POLDIP2: variants seen among roughly 807,000 people sequenced by gnomAD.
POLDIP2 encodes polymerase delta-interacting protein 2.
A neutral mutation model predicts 52.9 loss-of-function variants in POLDIP2; 32 were observed. That is an observed-to-expected ratio of 0.61 (90% CI 0.46 to 0.81). The LOEUF is 0.81. POLDIP2 is among the 40% of genes least tolerant of loss of function. The pLI, the probability that POLDIP2 is intolerant of heterozygous loss-of-function variation, is 0.00. For missense variants in POLDIP2, 371 were observed against 477.3 expected (o/e 0.78, Z 2.07); for synonymous variants, 183 against 183.0 (o/e 1.00, Z 0.00).
chr17:28,357,142 C>T, intron 1 of POLDIP2, 146 bp downstream of exon 1: 1 of 749,342 alleles, frequency 1.3e-6, no homozygotes, highest in Non-Finnish European at 2.0e-6. Flanking sequence ...CCAGACAGCG[C>T]AGGTCGGCTC....
chr17:28,350,037 G>A (rs1169693876), intron 9 of POLDIP2, among the ~76,000 whole-genome samples: 1 of 152,208 alleles, frequency 6.6e-6, no homozygotes, highest in Non-Finnish European at 1.5e-5. Flanking sequence ...AGCAGAGGAT[G>A]TAAACATGTA....
At chr17:28,350,896 C>T (rs1222029313) in intron 7 of POLDIP2, 104 bp from the exon 8 acceptor site, 2 of 954,966 alleles carry the variant, frequency 2.1e-6, no homozygotes, top group Non-Finnish European at 3.3e-6. Flanking sequence ...AGGTTGCAGA[C>T]AGACCAAGCT....
At position 28,352,929 on chromosome 17, in the gene POLDIP2, A is replaced by T; in HGVS notation, c.605T>A (p.Leu202Gln). ...IQHELFERFLLYDQTKAPPFV... is the reference protein window; with the variant it reads ...IQHELFERFLQYDQTKAPPFV... Reference sequence around the variant, plus strand: ...GAGATTACCTTTTGTCTGGTCATACAGAAGAAATCTTTCAAAGAGTTCATG... The same window carrying T: ...GAGATTACCTTTTGTCTGGTCATACTGAAGAAATCTTTCAAAGAGTTCATG... The change falls in exon 6 of 11, where the codon CTG (leucine) becomes CAG (glutamine). Residue 202 changes from leucine to glutamine, a missense_variant. Coordinates refer to ENST00000540200, the MANE Select transcript of POLDIP2 (RefSeq NM_015584.5). 1 of 1,590,462 alleles carries T rather than the reference A, an allele frequency of 6.3e-7. No individual in the cohort carries two copies. The highest frequency in any genetic ancestry group is 8.6e-7 in the Non-Finnish European group (1 of 1,158,406).
At chr17:28,352,835 G>A (rs782347195) in intron 6 of POLDIP2, 77 bp downstream of exon 6, 62 of 888,154 alleles carry the variant, frequency 7.0e-5, no homozygotes, top group South Asian at 9.5e-5. Context: ...CACCGTGCCC[G>A]GCCCTGGAAT....
intron 6 of POLDIP2, among the ~76,000 whole-genome samples, chr17:28,352,692 C>T (rs1449571458): frequency 1.3e-5 from 2 of 152,160 alleles, no homozygotes; most frequent in Non-Finnish European, 2.9e-5. Flanking sequence ...GCGCCCACCA[C>T]CACGCCCAGC....
chr17:28,350,750 A>G lies in POLDIP2; in HGVS notation c.786+16T>C, dbSNP rs782302270. On this transcript the variant is annotated intron_variant, in intron 8 of 10. Coordinates refer to ENST00000540200, the MANE Select transcript of POLDIP2 (RefSeq NM_015584.5). ...ACACCCCACAAGCTCCCCTTCTCCCAGACAGTGACACTCACCCAGTACACG... is the reference window on the plus strand; with the variant it reads ...ACACCCCACAAGCTCCCCTTCTCCCGGACAGTGACACTCACCCAGTACACG... 3 of 1,596,576 alleles carry G rather than the reference A, an allele frequency of 1.9e-6. No homozygotes were observed. In the African/African-American group the frequency reaches 4.0e-5, roughly 22 times the overall value.
Position 28,350,458 on chromosome 17 carries a change from C to T in POLDIP2, c.892G>A (p.Gly298Ser), listed in dbSNP as rs781893372. 1 of 1,611,610 alleles carries T rather than the reference C, an allele frequency of 6.2e-7. No individual in the cohort carries two copies. The highest frequency in any genetic ancestry group is 1.1e-5 in the South Asian group (1 of 90,580). Residue 298 changes from glycine (G) to serine (S), a missense_variant, in exon 9 of 11, where the codon GGC becomes AGC. Coordinates refer to ENST00000540200, the MANE Select transcript of POLDIP2 (RefSeq NM_015584.5). ...CTCACCCTGCCCACTACCCCTCGGC[C>T]TCGCACTGTCTCCAAGGTGCCAGAG... ...SLSGTLETVR[G>S]RGVVGREPVL... is the part of the protein sequence containing the mutation.
intron 9 of POLDIP2, among the ~76,000 whole-genome samples, chr17:28,349,401 G>A (rs782599957): frequency 5.6e-5 from 8 of 143,204 alleles, no homozygotes; most frequent in Non-Finnish European, 8.9e-5. Context: ...AATGTCCGAA[G>A]GCACTGGGCA....
intron 9 of POLDIP2, among the ~76,000 whole-genome samples, chr17:28,350,227 G>A (rs1301250185): frequency 2.0e-5 from 3 of 152,208 alleles, no homozygotes; most frequent in Non-Finnish European, 4.4e-5. Context: ...CCATGGGCTG[G>A]TTATTTAACT....
chr17:28,348,242 A>G lies in POLDIP2; in HGVS notation c.993-11T>C, dbSNP rs370405314. On this transcript the variant is annotated splice_polypyrimidine_tract_variant and intron_variant, in intron 10 of 10. Transcript: ENST00000540200. Reference sequence around the variant, plus strand: ...AAGCGGAACGTGCCCCTACAGTCAGAAAGAAGCTGGTTTAGAAGGAGCCAG... The same window carrying G: ...AAGCGGAACGTGCCCCTACAGTCAGGAAGAAGCTGGTTTAGAAGGAGCCAG... 218 of 1,599,786 alleles carry G rather than the reference A, an allele frequency of 1.4e-4. No individual in the cohort carries two copies. The highest frequency in any genetic ancestry group is 1.8e-4 in the Non-Finnish European group (212 of 1,167,178).
At chr17:28,351,084 C>T (rs181324263) in intron 7 of POLDIP2, among the ~76,000 whole-genome samples, 18 of 152,296 alleles carry the variant, frequency 1.2e-4, no homozygotes, top group Admixed American at 4.6e-4. Flanking sequence ...GCCCTCCTCA[C>T]CAGCCCTGCC....
chr17:28,357,061 TC>T (rs1157162668), intron 1 of POLDIP2, among the ~76,000 whole-genome samples: 3 of 151,876 alleles, frequency 2.0e-5, no homozygotes, highest in Admixed American at 2.0e-4. Context: ...GGTAACCTGT[TC>T]CCCCCCAGGG....
chr17:28,351,095 C>T lies in POLDIP2; in HGVS notation c.760-303G>A, dbSNP rs533688860. 1.7e-4 allele frequency among the ~76,000 whole-genome samples: 26 copies of T among 152,302 alleles called. 1 individual carries two copies. Among genetic ancestry groups the T allele is most frequent in the African/African-American group, 6.3e-4 (26 of 41,548 alleles). ...CACTGCCCTCCTCACCAGCCCTGCC[C>T]CCTATCCTTGCTGCCCTGAGCCCCT... is the stretch of plus-strand genomic sequence containing the variant. On this transcript the variant is annotated intron_variant, in intron 7 of 10. Coordinates refer to ENST00000540200, the MANE Select transcript of POLDIP2 (RefSeq NM_015584.5).
intron 6 of POLDIP2, among the ~76,000 whole-genome samples, chr17:28,352,153 TCTGTCAG>T (rs1907817878): frequency 1.3e-5 from 2 of 151,402 alleles, no homozygotes; most frequent in South Asian, 4.1e-4. Flanking sequence ...CCATCTGTCA[TCTGTCAG>T]GTATGACACC....
intron 7 of POLDIP2, 99 bp from the exon 8 acceptor site, chr17:28,350,891 G>A (rs1907772754): frequency 1.0e-6 from 1 of 998,106 alleles, no homozygotes; most frequent in Non-Finnish European, 1.6e-6. Context: ...CAGGAAGGTT[G>A]CAGACAGACC....
Position 28,348,031 on chromosome 17 carries a change from T to G in POLDIP2, c.*86A>C. 1 of 763,586 alleles carries G rather than the reference T, an allele frequency of 1.3e-6. No homozygotes were observed. The highest frequency in any genetic ancestry group is 1.7e-5 in the African/African-American group (1 of 57,456). The allele number at this position is 763,586 out of a possible 1,614,324, so 47.3% of individuals were successfully genotyped here. On this transcript the variant is annotated 3_prime_UTR_variant, in exon 11 of 11. Transcript: ENST00000540200. ...TTAAGAGACCCACTGTGGCCCATGATGGGGAGAGAAGAGTTCTGCAGCAAT... is the reference window on the plus strand; with the variant it reads ...TTAAGAGACCCACTGTGGCCCATGAGGGGGAGAGAAGAGTTCTGCAGCAAT...
intron 1 of POLDIP2, among the ~76,000 whole-genome samples, 171 bp downstream of exon 1, chr17:28,357,117 C>G (rs1908076926): frequency 6.6e-6 from 1 of 152,256 alleles, no homozygotes; most frequent in South Asian, 2.1e-4. Context: ...GGCTTCCCTG[C>G]TCCTGGCACA....
rs782629000 is a variant in POLDIP2 at position 28,350,609 on chromosome 17, G to A, written c.787-46C>T. The stretch of plus-strand genomic sequence containing the variant: ...AGAGTTTAAAAAAAATAAAATTTGG[G>A]TAACCCTCCTCAGAATTCTGTGCAA... On this transcript the variant is annotated intron_variant, in intron 8 of 10. Transcript: ENST00000540200. The A allele has an allele frequency of 3.1e-6, 5 of 1,600,788 alleles. No individual in the cohort carries two copies. The Admixed American group carries it at 5.1e-5, about 16-fold the overall frequency.
rs1468167428 is a variant in POLDIP2 at position 28,347,534 on chromosome 17, G to A, written c.*583C>T. The stretch of plus-strand genomic sequence containing the variant: ...TCAGTGCTAAGAGCCAGGCCACTCC[G>A]ACCCTGACACTGGCCTCCCTCTCTG... On this transcript the variant is annotated 3_prime_UTR_variant, in exon 11 of 11. Coordinates refer to ENST00000540200, the MANE Select transcript of POLDIP2 (RefSeq NM_015584.5). 3.9e-5 allele frequency: 6 copies of A among 153,036 alleles called. No homozygotes were observed. Among genetic ancestry groups the A allele is most frequent in the South Asian group, 2.1e-4 (1 of 4,864 alleles). 9.5% of individuals were successfully genotyped at this position (153,036 alleles called of 1,614,324 possible). A position where few individuals can be genotyped will look rare whatever the true frequency, so the allele number is the denominator to read the frequency against.
Sources: gnomAD v4.1 joint callset for allele counts (sites outside exome capture counted in the v4.1 genomes callset) on GRCh38, gnomAD v4.1.1 for gene constraint, MANE v1.5 for transcripts, NCBI Gene and HGNC (gene_info 2026-07-23, HGNC 2026-07-21) for gene names.